ADAMTSL2: variants seen among roughly 807,000 people sequenced by gnomAD.
The protein encoded by ADAMTSL2 is ADAMTS-like protein 2.
ADAMTSL2 carries 55 observed loss-of-function variants against 117.0 expected under a neutral mutation model. The observed-to-expected ratio is 0.47, with a 90% CI of 0.38 to 0.59. ADAMTSL2 has a LOEUF of 0.59. ADAMTSL2 is among the 20% of genes least tolerant of loss of function. The pLI is 0.00. For missense variants in ADAMTSL2, 1,182 were observed against 1,354.5 expected (o/e 0.87, Z 2.00); for synonymous variants, 572 against 566.4 (o/e 1.01, Z -0.14).
At chr9:133,568,576 C>T (rs1289487313) in intron 14 of ADAMTSL2, 27 bp from the exon 15 acceptor site, 2 of 1,555,376 alleles carry the variant, frequency 1.3e-6, no homozygotes, top group Admixed American at 1.9e-5. Context: ...GTCACACCCC[C>T]CCTGCCCCCT....
chr9:133,534,737 T>C lies in ADAMTSL2; in HGVS notation c.-331T>C, dbSNP rs1314183088. ...GCGCCCCTCCCGGGAACCCCCTCTC[T>C]TGGATGCTCTTTGAAGTGGGAGAGG... is the stretch of plus-strand genomic sequence containing the variant. On this transcript the variant is annotated 5_prime_UTR_variant, in exon 1 of 19. Coordinates refer to ENST00000651351, the MANE Select transcript of ADAMTSL2 (RefSeq NM_014694.4). 1.4e-6 allele frequency: 2 copies of C among 1,411,670 alleles called. No homozygotes were observed. Among genetic ancestry groups the C allele is most frequent in the South Asian group, 1.5e-5 (1 of 65,950 alleles). The allele number at this position is 1,411,670 out of a possible 1,614,324, so 87.4% of individuals were successfully genotyped here.
Position 133,575,085 on chromosome 9 carries a change from C to A in ADAMTSL2, c.*221C>A. ...CAGTGGCCTCCCCCAGACAGAGCCA[C>A]CCCTGCCGTGGGAACCTGTCCGTGT... On this transcript the variant is annotated 3_prime_UTR_variant, in exon 19 of 19. Coordinates refer to ENST00000651351, the MANE Select transcript of ADAMTSL2 (RefSeq NM_014694.4). The A allele has an allele frequency of 3.4e-6, 2 of 583,134 alleles. No individual in the cohort carries two copies. Among genetic ancestry groups the A allele is most frequent in the Non-Finnish European group, 6.1e-6 (2 of 325,232 alleles). 36.1% of individuals were successfully genotyped at this position (583,134 alleles called of 1,614,324 possible). A position where few individuals can be genotyped will look rare whatever the true frequency, so the allele number is the denominator to read the frequency against.
chr9:133,539,665 G>GCTGTCCCGGCTGT, intron 4 of ADAMTSL2, 106 bp from the exon 5 acceptor site: 1 of 1,136,944 alleles, frequency 8.8e-7, no homozygotes. Context: ...GGCTGTCCCG[G>GCTGTCCCGGCTGT]CTGTCCCGGC....
chr9:133,532,774 G>A (rs891046913), upstream of ADAMTSL2, among the ~76,000 whole-genome samples: 1 of 152,196 alleles, frequency 6.6e-6, no homozygotes, highest in Non-Finnish European at 1.5e-5. Flanking sequence ...CAGGCTCTGG[G>A]GTAAGGGGTG....
At chr9:133,565,949 C>G (rs931136049) in intron 12 of ADAMTSL2, among the ~76,000 whole-genome samples, 22 of 152,272 alleles carry the variant, frequency 1.4e-4, no homozygotes, top group African/African-American at 5.1e-4. Flanking sequence ...CCAGAATCAT[C>G]CTGCTCCTGG....
chr9:133,568,847 C>T, intron 15 of ADAMTSL2, 89 bp downstream of exon 15: 1 of 1,565,080 alleles, frequency 6.4e-7, no homozygotes, highest in Non-Finnish European at 8.7e-7. Context: ...CCATTTTTTT[C>T]CGAGGCAAGG....
At position 133,555,879 on chromosome 9, in the gene ADAMTSL2, A is replaced by G. The variant is rs1342923954; in HGVS notation, c.1598A>G (p.Asn533Ser). Residue 533 changes from asparagine to serine, a missense_variant, in exon 11 of 19, where the codon AAC (asparagine) becomes AGC (serine). Physicochemically the swap from Asn to Ser is conservative, Grantham distance 46. Coordinates refer to ENST00000651351, the MANE Select transcript of ADAMTSL2 (RefSeq NM_014694.4). ...ANSSSEAPFP[N>S]VSTSLLTSAG... ...AGCTCCTCCGAGGCCCCATTCCCCA[A>G]CGTTAGCACCAGCCTGCTCACCTCG... 107 of 1,612,910 alleles carry G rather than the reference A, an allele frequency of 6.6e-5. No individual in the cohort carries two copies. Among genetic ancestry groups the G allele is most frequent in the Middle Eastern group, 6.6e-4 (4 of 6,056 alleles).
chr9:133,563,619 C>G (rs1588301615), intron 12 of ADAMTSL2, among the ~76,000 whole-genome samples: 1 of 152,104 alleles, frequency 6.6e-6, no homozygotes. Context: ...ACAGCACTGT[C>G]TCCCAACACC....
chr9:133,560,929 G>C (rs1433572185), intron 11 of ADAMTSL2, among the ~76,000 whole-genome samples: 5 of 152,220 alleles, frequency 3.3e-5, no homozygotes, highest in Admixed American at 3.3e-4. Context: ...CCTCCCCTCC[G>C]GAAGGAGCTC....
chr9:133,552,136 C>CTT (rs1830501727), intron 9 of ADAMTSL2, among the ~76,000 whole-genome samples: 1 of 152,194 alleles, frequency 6.6e-6, no homozygotes. Flanking sequence ...CCAGCAGCAG[C>CTT]TTTTAATGTC....
intron 17 of ADAMTSL2, among the ~76,000 whole-genome samples, chr9:133,572,905 C>T (rs1831143430): frequency 6.6e-6 from 1 of 152,214 alleles, no homozygotes; most frequent in Admixed American, 6.5e-5. Flanking sequence ...TGCTGCTCTC[C>T]AGAGGCACGT....
chr9:133,539,653 A>ACGGCTGTCCCAGCTGTCC (rs1554810790), intron 4 of ADAMTSL2, 118 bp from the exon 5 acceptor site: 1 of 686,568 alleles, frequency 1.5e-6, no homozygotes, highest in South Asian at 1.8e-5. Flanking sequence ...TGGCCCCCGC[A>ACGGCTGTCCCAGCTGTCC]CGGCTGTCCC....
intron 9 of ADAMTSL2, 143 bp downstream of exon 9, chr9:133,547,356 G>T: frequency 1.3e-6 from 1 of 764,796 alleles, no homozygotes; most frequent in Non-Finnish European, 2.1e-6. Flanking sequence ...CTCTGCGTGG[G>T]CTGGGGCTTC....
At position 133,575,120 on chromosome 9, in the gene ADAMTSL2, G is replaced by A. The variant is rs1831199429; in HGVS notation, c.*256G>A. The A allele has an allele frequency of 5.6e-6, 3 of 536,562 alleles. No homozygotes were observed. The highest frequency in any genetic ancestry group is 1.0e-5 in the Non-Finnish European group (3 of 295,988). The allele number at this position is 536,562 out of a possible 1,614,324, so 33.2% of individuals were successfully genotyped here. A position where few individuals can be genotyped will look rare whatever the true frequency, so the allele number is the denominator to read the frequency against. On this transcript the variant is annotated 3_prime_UTR_variant, in exon 19 of 19. Transcript: ENST00000651351. ...GGGAACCTGTCCGTGTTCCTGCGTG[G>A]ATCCTGTGTTTGTGGCTCCCACTCC...
In ADAMTSL2 at chr9:133,569,576, C is replaced by T. The variant is rs1047461461; in HGVS notation, c.2413C>T (p.Arg805Trp). ...CCACTGGCTGGCCCAGGACTGGGAG[C>T]GGGTGAGTGCCCCAGAGCCCGCGGA... The part of the protein sequence containing the change: ...PAHWLAQDWE[R>W]CNTTCGRGVK... Residue 805 changes from arginine (R) to tryptophan (W), a missense_variant and splice_region_variant, in exon 16 of 19, where the codon CGG becomes TGG. Transcript: ENST00000651351. 1.7e-5 allele frequency: 26 copies of T among 1,567,290 alleles called. No individual in the cohort carries two copies. The highest frequency in any genetic ancestry group is 2.0e-5 in the Non-Finnish European group (23 of 1,155,326).
chr9:133,545,933 T>C (rs554080692), intron 8 of ADAMTSL2, among the ~76,000 whole-genome samples: 3 of 151,774 alleles, frequency 2.0e-5, no homozygotes, highest in African/African-American at 7.3e-5. Context: ...TGAAGGGGGT[T>C]TTTCAAGCAG....
intron 3 of ADAMTSL2, 59 bp from the exon 4 acceptor site, chr9:133,538,290 A>T: frequency 1.2e-6 from 2 of 1,602,558 alleles, no homozygotes; most frequent in Non-Finnish European, 1.7e-6. Flanking sequence ...GGGCCAGCCC[A>T]GGCGACATTC....
intron 12 of ADAMTSL2, among the ~76,000 whole-genome samples, chr9:133,565,028 G>A (rs1830931051): frequency 6.6e-6 from 1 of 152,240 alleles, no homozygotes; most frequent in South Asian, 2.1e-4. Flanking sequence ...CAACAGAGGA[G>A]CGTGAGTTTG....
intron 9 of ADAMTSL2, among the ~76,000 whole-genome samples, chr9:133,553,463 A>G (rs1830533272): frequency 6.6e-6 from 1 of 151,984 alleles, no homozygotes; most frequent in African/African-American, 2.4e-5. Flanking sequence ...TACTTCCACA[A>G]ACCTCTGCAA....
Sources: allele counts gnomAD v4.1 joint callset (sites outside exome capture counted in the v4.1 genomes callset), GRCh38; gene constraint gnomAD v4.1.1; transcripts MANE v1.5; gene names NCBI Gene and HGNC (gene_info 2026-07-23, HGNC 2026-07-21).